CDKAL1: variants seen among roughly 807,000 people sequenced by gnomAD.
CDKAL1 encodes threonylcarbamoyladenosine tRNA methylthiotransferase.
Under a neutral mutation model 68.2 loss-of-function variants are expected in CDKAL1, and 32 were observed. The observed-to-expected ratio is 0.47, with a 90% CI of 0.35 to 0.63. CDKAL1 has a LOEUF of 0.63. Among genes scored for constraint, CDKAL1 ranks in the 30% least tolerant of loss-of-function variants. The probability of loss-of-function intolerance (pLI) is 0.00; values close to 1 mark genes in which losing one functional copy is unlikely to be tolerated. For missense variants in CDKAL1, 606 were observed against 696.7 expected (o/e 0.87, Z 1.47); for synonymous variants, 234 against 244.3 (o/e 0.96, Z 0.39).
At chr6:20,949,694 A>G (rs955621004) in intron 9 of CDKAL1, among the ~76,000 whole-genome samples, 14 of 152,100 alleles carry the variant, frequency 9.2e-5, no homozygotes, top group African/African-American at 2.9e-4. Context: ...AGACAAACCA[A>G]TAATTATAAC....
chr6:20,587,479 TC>T (rs1255208387), intron 4 of CDKAL1, among the ~76,000 whole-genome samples: 1 of 151,396 alleles, frequency 6.6e-6, no homozygotes, highest in Non-Finnish European at 1.5e-5. Context: ...ATGCTTGTAA[TC>T]CCAGCACTTT....
chr6:21,151,903 G>A (rs10946431), intron 13 of CDKAL1, among the ~76,000 whole-genome samples: 49 of 151,932 alleles, frequency 3.2e-4, no homozygotes, highest in Admixed American at 5.9e-4. Flanking sequence ...CCTGGCGTGC[G>A]GCCTCCACCC....
rs890353429 is a variant in CDKAL1, at chr6:21,069,798, T to A, written c.1236+4570T>A. ...TCTTTTTTTTTTTTTTTTTTTTTTTTTTTTTTAAAACAGAGCCTTGCTCTG... is the reference window on the plus strand; with the variant it reads ...TCTTTTTTTTTTTTTTTTTTTTTTTATTTTTTAAAACAGAGCCTTGCTCTG... On this transcript the variant is annotated intron_variant, in intron 12 of 15. Transcript: ENST00000274695. Among the ~76,000 whole-genome samples the A allele has an allele frequency of 1.7e-4, 14 of 84,656 alleles. 1 individual carries two copies. Among genetic ancestry groups the A allele is most frequent in the African/African-American group, 6.6e-4 (14 of 21,190 alleles). 55.5% of individuals were successfully genotyped at this position (84,656 alleles called of 152,430 possible).
chr6:21,076,354 T>C lies in CDKAL1; in HGVS notation c.1236+11126T>C, dbSNP rs112558383. 1.2e-3 allele frequency among the ~76,000 whole-genome samples: 190 copies of C among 152,318 alleles called. 1 individual carries two copies. Among genetic ancestry groups the C allele is most frequent in the African/African-American group, 4.2e-3 (175 of 41,562 alleles). On this transcript the variant is annotated intron_variant, in intron 12 of 15. Transcript: ENST00000274695. The stretch of plus-strand genomic sequence containing the variant: ...CTAGCTGCCAGTGGGTCAAGGAATA[T>C]TTTATTTTTCACACACACACAGACA...
At chr6:20,654,467 T>C (rs1053454657) in intron 5 of CDKAL1, among the ~76,000 whole-genome samples, 1 of 152,180 alleles carries the variant, frequency 6.6e-6, no homozygotes, top group Non-Finnish European at 1.5e-5. Context: ...GTTTAAAGTT[T>C]ATTAATCCGT....
chr6:21,041,370 G>A (rs888008264), intron 11 of CDKAL1, among the ~76,000 whole-genome samples: 9 of 152,130 alleles, frequency 5.9e-5, no homozygotes, highest in Non-Finnish European at 1.2e-4. Context: ...GATGTTAGCA[G>A]GTGTCCTAAC....
chr6:20,585,206 A>G (rs9368206), intron 4 of CDKAL1, among the ~76,000 whole-genome samples: 56,223 of 151,348 alleles, frequency 0.37, 10,792 homozygotes, highest in East Asian at 0.54. Flanking sequence ...ACAGGCGCCC[A>G]CCACCATGCT....
At chr6:20,536,102 CTTTTTTTT>C (rs34025398) in intron 2 of CDKAL1, among the ~76,000 whole-genome samples, 1 of 138,204 alleles carries the variant, frequency 7.2e-6, no homozygotes, top group Non-Finnish European at 1.6e-5. Flanking sequence ...CTAAATTTTA[CTTTTTTTT>C]TTTTTTTTGT....
At chr6:21,114,614 T>C (rs1008001714) in intron 13 of CDKAL1, among the ~76,000 whole-genome samples, 19 of 151,640 alleles carry the variant, frequency 1.3e-4, no homozygotes, top group African/African-American at 4.6e-4. Flanking sequence ...TGTGCCTGTG[T>C]TTCCAGCTAC....
intron 8 of CDKAL1, among the ~76,000 whole-genome samples, chr6:20,789,610 A>G (rs72832346): frequency 2.0e-5 from 3 of 152,352 alleles, no homozygotes; most frequent in Non-Finnish European, 2.9e-5. Context: ...GTAGGATTCT[A>G]TTGCCCTTTC....
At chr6:20,864,606 G>C (rs191191821) in intron 9 of CDKAL1, among the ~76,000 whole-genome samples, 1 of 152,182 alleles carries the variant, frequency 6.6e-6, no homozygotes, top group African/African-American at 2.4e-5. Flanking sequence ...ATATAAAATT[G>C]CTAAAAAATA....
intron 15 of CDKAL1, among the ~76,000 whole-genome samples, chr6:21,204,710 A>G (rs1424610111): frequency 6.6e-6 from 1 of 152,244 alleles, no homozygotes. Flanking sequence ...CTGGAGTCAC[A>G]AAATTTGAAG....
At chr6:20,806,047 A>C (rs1227379773) in intron 8 of CDKAL1, among the ~76,000 whole-genome samples, 1 of 152,164 alleles carries the variant, frequency 6.6e-6, no homozygotes, top group Non-Finnish European at 1.5e-5. Flanking sequence ...ACAGGTCTTT[A>C]TGTAGGTAAA....
chr6:20,603,758 C>A (rs1456788687), intron 4 of CDKAL1, among the ~76,000 whole-genome samples: 1 of 138,818 alleles, frequency 7.2e-6, no homozygotes, highest in African/African-American at 2.9e-5. Flanking sequence ...GATTAATGGG[C>A]AGTTGCTAAA....
chr6:21,062,599 T>C (rs1280272989), intron 11 of CDKAL1, among the ~76,000 whole-genome samples: 3 of 152,210 alleles, frequency 2.0e-5, no homozygotes, highest in African/African-American at 4.8e-5. Flanking sequence ...TTTATCATCA[T>C]GGAGAAAAGT....
intron 10 of CDKAL1, among the ~76,000 whole-genome samples, chr6:20,956,811 A>T (rs1764797959): frequency 6.6e-6 from 1 of 152,140 alleles, no homozygotes; most frequent in African/African-American, 2.4e-5. Context: ...ATAATGAGGG[A>T]GTTTAGCAAT....
At chr6:21,170,240 G>A (rs1489645011) in intron 13 of CDKAL1, among the ~76,000 whole-genome samples, 1 of 152,160 alleles carries the variant, frequency 6.6e-6, no homozygotes, top group Non-Finnish European at 1.5e-5. Flanking sequence ...ATCACCTCCT[G>A]TAATACATGG....
At chr6:20,952,297 A>G (rs1294730457) in intron 9 of CDKAL1, among the ~76,000 whole-genome samples, 1 of 151,700 alleles carries the variant, frequency 6.6e-6, no homozygotes, top group Admixed American at 6.6e-5. Flanking sequence ...CCTGACATAT[A>G]CTTACCAAAT....
chr6:21,167,092 A>G (rs1022131327), intron 13 of CDKAL1, among the ~76,000 whole-genome samples: 1 of 152,204 alleles, frequency 6.6e-6, no homozygotes, highest in Admixed American at 6.5e-5. Context: ...AAGCAATGTG[A>G]TATCAGAAAA....
Sources: gnomAD v4.1 joint callset for allele counts (sites outside exome capture counted in the v4.1 genomes callset) on GRCh38, gnomAD v4.1.1 for gene constraint, MANE v1.5 for transcripts, NCBI Gene and HGNC (gene_info 2026-07-23, HGNC 2026-07-21) for gene names.